Variants in ATXN3 observed in about 807,000 individuals in gnomAD.
The protein encoded by ATXN3 is ataxin 3, also known as ataxin-3.
In ATXN3, 28 loss-of-function variants were observed where a neutral mutation model predicts 58.2. The observed-to-expected ratio is 0.48, with a 90% CI of 0.36 to 0.66. The LOEUF (loss-of-function observed/expected upper bound fraction) is 0.66, where lower values mean the gene tolerates loss of function less well. ATXN3 is among the 30% of genes least tolerant of loss of function. The probability of loss-of-function intolerance (pLI) is 0.00; values close to 1 mark genes in which losing one functional copy is unlikely to be tolerated. For missense variants in ATXN3, 321 were observed against 422.1 expected (o/e 0.76, Z 2.10); for synonymous variants, 113 against 138.5 (o/e 0.82, Z 1.29).
At chr14:92,071,677 G>C (rs978130800) in intron 9 of ATXN3, 1 of 234,394 alleles carries the variant, frequency 4.3e-6, no homozygotes, top group Non-Finnish European at 8.7e-6. Context: ...TTGGTTTATA[G>C]ACCCTTAATA....
Position 92,060,734 on chromosome 14 carries a change from A to ATT in ATXN3, c.*3584_*3585dup, listed in dbSNP as rs35141835. 1,163 of 138,600 alleles carry ATT rather than the reference A, an allele frequency of 8.4e-3. 32 individuals are homozygous for ATT. The highest frequency in any genetic ancestry group is 0.024 in the African/African-American group (879 of 37,156). The allele number at this position is 138,600 out of a possible 1,614,324, so 8.6% of individuals were successfully genotyped here. A position where few individuals can be genotyped will look rare whatever the true frequency, so the allele number is the denominator to read the frequency against. On this transcript the variant is annotated 3_prime_UTR_variant, in exon 11 of 11. Coordinates refer to ENST00000644486, the MANE Select transcript of ATXN3 (RefSeq NM_004993.6). Reference sequence around the variant, plus strand: ...TTTAGTAGCTCTTGGCACTAGCATGATTTTTTTTTTTTTTTTGAGACAGAG... The same window carrying ATT: ...TTTAGTAGCTCTTGGCACTAGCATGATTTTTTTTTTTTTTTTTTGAGACAGAG...
chr14:92,073,802 A>G (rs1266604000), intron 9 of ATXN3, among the ~76,000 whole-genome samples: 1 of 150,664 alleles, frequency 6.6e-6, no homozygotes, highest in Non-Finnish European at 1.5e-5. Flanking sequence ...TCATGCCACT[A>G]CACTCCAGCC....
At chr14:92,092,650 T>C (rs2064106018) in intron 5 of ATXN3, among the ~76,000 whole-genome samples, 1 of 152,142 alleles carries the variant, frequency 6.6e-6, no homozygotes, top group African/African-American at 2.4e-5. Flanking sequence ...ACCACATTTG[T>C]ATTATCTTTA....
chr14:92,059,003 C>CA lies in ATXN3; in HGVS notation c.*5316dup, dbSNP rs1321515248. ...AACATTCCTTGAACTATGCAAGAGA[C>CA]AATTGAGAGCTTCCTAAATGCATCA... On this transcript the variant is annotated 3_prime_UTR_variant, in exon 11 of 11. Transcript: ENST00000644486. 1 of 150,638 alleles carries CA rather than the reference C, an allele frequency of 6.6e-6. No individual in the cohort carries two copies. Among genetic ancestry groups the CA allele is most frequent in the African/African-American group, 2.4e-5 (1 of 40,916 alleles). 9.3% of individuals were successfully genotyped at this position (150,638 alleles called of 1,614,324 possible).
chr14:92,095,572 G>A (rs2065021132), intron 3 of ATXN3, among the ~76,000 whole-genome samples: 1 of 151,842 alleles, frequency 6.6e-6, no homozygotes, highest in African/African-American at 2.4e-5. Context: ...GCATCCAGAT[G>A]CAAATTAATC....
At chr14:92,070,797 T>C (rs1337548118) in intron 10 of ATXN3, 138 bp downstream of exon 10, 1 of 1,511,720 alleles carries the variant, frequency 6.6e-7, no homozygotes, top group African/African-American at 1.4e-5. Flanking sequence ...GGAAATTTAG[T>C]AGATTACAAA....
chr14:92,081,452 T>C (rs2061439606), intron 8 of ATXN3, among the ~76,000 whole-genome samples: 1 of 117,308 alleles, frequency 8.5e-6, no homozygotes, highest in Non-Finnish European at 1.6e-5. Context: ...TGGGCGACAG[T>C]GAGACTCTGA....
intron 10 of ATXN3, among the ~76,000 whole-genome samples, chr14:92,070,217 A>G (rs2059181773): frequency 6.6e-6 from 1 of 152,128 alleles, no homozygotes; most frequent in Non-Finnish European, 1.5e-5. Context: ...TCCCATTGTT[A>G]TTTAGATTAT....
chr14:92,085,908 G>A (rs2062376719), intron 6 of ATXN3, among the ~76,000 whole-genome samples: 1 of 152,176 alleles, frequency 6.6e-6, no homozygotes, highest in Non-Finnish European at 1.5e-5. Context: ...CCACAGCATG[G>A]TGGGCTGAAG....
intron 10 of ATXN3, among the ~76,000 whole-genome samples, chr14:92,068,008 G>A (rs963024178): frequency 6.6e-6 from 1 of 152,128 alleles, no homozygotes; most frequent in Non-Finnish European, 1.5e-5. Context: ...TGGCCTCCAC[G>A]GACATTGTGG....
At chr14:92,100,957 A>C (rs1258811736) in intron 1 of ATXN3, among the ~76,000 whole-genome samples, 3 of 152,234 alleles carry the variant, frequency 2.0e-5, no homozygotes, top group Admixed American at 6.5e-5. Flanking sequence ...GAGTTTACAA[A>C]CTATGGTCAC....
In ATXN3 at chr14:92,099,232, A is replaced by T. The variant is rs55719539; in HGVS notation, c.25-2394T>A. On this transcript the variant is annotated intron_variant, in intron 1 of 10. Coordinates refer to ENST00000644486, the MANE Select transcript of ATXN3 (RefSeq NM_004993.6). ...TGTCCTGAGCTATGTCACACAGCAGACTCTAAAGAGAACCACCTTGCAAGA... is the reference window on the plus strand; with the variant it reads ...TGTCCTGAGCTATGTCACACAGCAGTCTCTAAAGAGAACCACCTTGCAAGA... 7.9e-3 allele frequency among the ~76,000 whole-genome samples: 1,202 copies of T among 152,276 alleles called. 8 individuals carry two copies. The highest frequency in any genetic ancestry group is 0.013 in the Admixed American group (199 of 15,298).
chr14:92,074,849 T>G (rs149589054), intron 9 of ATXN3, among the ~76,000 whole-genome samples: 28 of 152,330 alleles, frequency 1.8e-4, no homozygotes, highest in Non-Finnish European at 2.9e-4. Flanking sequence ...TATAGAACAT[T>G]TGCAACTTAT....
intron 9 of ATXN3, among the ~76,000 whole-genome samples, chr14:92,078,569 G>C (rs982451726): frequency 6.6e-6 from 1 of 151,622 alleles, no homozygotes; most frequent in African/African-American, 2.4e-5. Context: ...CTCCATGTTG[G>C]TCAGGCTGGT....
At chr14:92,054,753 T>C (rs1043250803), downstream of ATXN3, among the ~76,000 whole-genome samples, 1 of 152,072 alleles carries the variant, frequency 6.6e-6, no homozygotes, top group Non-Finnish European at 1.5e-5. Context: ...GTAACAATTA[T>C]ACAGAAAGAG....
At chr14:92,071,178 A>T in intron 9 of ATXN3, 125 bp from the exon 10 acceptor site, 1 of 1,365,270 alleles carries the variant, frequency 7.3e-7, no homozygotes, top group Non-Finnish European at 1.0e-6. Context: ...TGGTATTAAA[A>T]GAATGCAAGA....
intron 1 of ATXN3, among the ~76,000 whole-genome samples, chr14:92,097,910 C>G (rs1489299546): frequency 6.6e-6 from 1 of 152,036 alleles, no homozygotes; most frequent in Non-Finnish European, 1.5e-5. Context: ...CATTTGGTAA[C>G]ATTTATTTTA....
chr14:92,106,429 G>T, intron 1 of ATXN3, 100 bp downstream of exon 1: 1 of 1,499,864 alleles, frequency 6.7e-7, no homozygotes, highest in Non-Finnish European at 9.3e-7. Context: ...TCGGCATGGG[G>T]GCGACTCGGG....
At chr14:92,101,198 G>GGTTC (rs2066690369) in intron 1 of ATXN3, among the ~76,000 whole-genome samples, 1 of 152,166 alleles carries the variant, frequency 6.6e-6, no homozygotes. Flanking sequence ...TAGGCACAGT[G>GGTTC]GTTCATACTA....
Sources: gnomAD v4.1 joint callset for allele counts (sites outside exome capture counted in the v4.1 genomes callset) on GRCh38, gnomAD v4.1.1 for gene constraint, MANE v1.5 for transcripts, NCBI Gene and HGNC (gene_info 2026-07-23, HGNC 2026-07-21) for gene names.